The following DGKB variants were observed in gnomAD, a reference collection of about 807,000 sequenced individuals.
The protein encoded by DGKB is diacylglycerol kinase beta, also known as 90 kDa diacylglycerol kinase.
In DGKB, 67 loss-of-function variants were observed where a neutral mutation model predicts 114.3. The ratio of observed to expected loss-of-function variants is 0.59; its 90% CI spans 0.48 to 0.72. DGKB has a LOEUF of 0.72. Ranked by LOEUF, DGKB falls within the 30% of genes least tolerant of loss-of-function variation. The probability of loss-of-function intolerance (pLI) is 0.00; values close to 1 mark genes in which losing one functional copy is unlikely to be tolerated. For synonymous variants in DGKB, 398 were observed against 323.1 expected, an observed-to-expected ratio of 1.23 and a Z score of -2.49; for missense variants, 907 against 975.2, an observed-to-expected ratio of 0.93 and a Z score of 0.93.
In DGKB at chr7:14,147,947, G is replaced by A. The variant is rs138303277; in HGVS notation, c.*1184C>T. The A allele has an allele frequency of 6.6e-6, 1 of 152,258 alleles. No individual in the cohort carries two copies. Among genetic ancestry groups the A allele is most frequent in the African/African-American group, 2.4e-5 (1 of 41,572 alleles). The allele number at this position is 152,258 out of a possible 1,614,324, so 9.4% of individuals were successfully genotyped here. A position where few individuals can be genotyped will look rare whatever the true frequency, so the allele number is the denominator to read the frequency against. ...TAAAGATGGGAGTGGAGTAGGTGAG[G>A]AGGAGGGAGCTAATTGCATGCATGA... On this transcript the variant is annotated 3_prime_UTR_variant, in exon 26 of 26. Transcript: ENST00000402815.
intron 1 of DGKB, among the ~76,000 whole-genome samples, chr7:14,892,352 C>T (rs1050882499): frequency 2.0e-5 from 3 of 151,196 alleles, no homozygotes; most frequent in Admixed American, 6.6e-5. Context: ...GTACTCTAAC[C>T]AATCCTAACG....
chr7:14,525,525 G>A (rs1790503473), intron 20 of DGKB, among the ~76,000 whole-genome samples: 1 of 152,084 alleles, frequency 6.6e-6, no homozygotes, highest in Non-Finnish European at 1.5e-5. Context: ...TGCCCAACAA[G>A]GGATTCTCTC....
At chr7:14,311,667 G>A (rs1805415499) in intron 23 of DGKB, among the ~76,000 whole-genome samples, 1 of 152,042 alleles carries the variant, frequency 6.6e-6, no homozygotes, top group South Asian at 2.1e-4. Flanking sequence ...CTCAAGTGAT[G>A]TGCCCACCTT....
chr7:14,681,459 G>A (rs963452944), intron 12 of DGKB, among the ~76,000 whole-genome samples: 7 of 151,484 alleles, frequency 4.6e-5, no homozygotes, highest in Non-Finnish European at 1.5e-5. Flanking sequence ...GTGTGTGTGA[G>A]AGAGAGAGAA....
At chr7:14,901,580 T>C (rs1481523336) in intron 1 of DGKB, among the ~76,000 whole-genome samples, 1 of 151,726 alleles carries the variant, frequency 6.6e-6, no homozygotes, top group East Asian at 2.0e-4. Flanking sequence ...TTGTGTAATA[T>C]ATGCTTTCTG....
intron 23 of DGKB, among the ~76,000 whole-genome samples, chr7:14,228,498 T>C (rs1262955961): frequency 6.6e-6 from 1 of 151,984 alleles, no homozygotes; most frequent in African/African-American, 2.4e-5. Flanking sequence ...ATGAGTAATC[T>C]GAAAACAATT....
intron 21 of DGKB, among the ~76,000 whole-genome samples, chr7:14,429,929 C>A (rs200969898): frequency 3.3e-5 from 4 of 119,894 alleles, no homozygotes; most frequent in Admixed American, 9.3e-5. Context: ...TCTGTCCCCC[C>A]CCCCAAAAAA....
intron 21 of DGKB, among the ~76,000 whole-genome samples, chr7:14,402,818 G>A (rs1823346147): frequency 6.6e-6 from 1 of 151,930 alleles, no homozygotes; most frequent in Non-Finnish European, 1.5e-5. Context: ...CCCTAACATA[G>A]GCGGGCCTTC....
intron 20 of DGKB, among the ~76,000 whole-genome samples, chr7:14,489,826 T>C (rs1234847209): frequency 1.3e-5 from 2 of 152,058 alleles, no homozygotes; most frequent in East Asian, 3.9e-4. Flanking sequence ...AAATCATGTT[T>C]ACTATCTACA....
At chr7:14,650,062 C>T (rs1462347759) in intron 13 of DGKB, among the ~76,000 whole-genome samples, 1 of 151,876 alleles carries the variant, frequency 6.6e-6, no homozygotes, top group African/African-American at 2.4e-5. Flanking sequence ...CTTTAACACC[C>T]CACTGTCAAC....
chr7:14,246,790 C>T (rs1794542163), intron 23 of DGKB, among the ~76,000 whole-genome samples: 1 of 151,958 alleles, frequency 6.6e-6, no homozygotes, highest in Non-Finnish European at 1.5e-5. Context: ...TATCATCTCA[C>T]ATTGTTACCT....
At chr7:14,484,145 C>T (rs903897798) in intron 20 of DGKB, among the ~76,000 whole-genome samples, 4 of 151,670 alleles carry the variant, frequency 2.6e-5, no homozygotes, top group African/African-American at 9.7e-5. Flanking sequence ...ATTTAACACA[C>T]AGTTTAGAAT....
At chr7:14,464,825 G>C (rs970205588) in intron 21 of DGKB, among the ~76,000 whole-genome samples, 1 of 152,160 alleles carries the variant, frequency 6.6e-6, no homozygotes, top group African/African-American at 2.4e-5. Flanking sequence ...TTTTGGCAGA[G>C]AATGCTTTTT....
intron 21 of DGKB, among the ~76,000 whole-genome samples, chr7:14,369,898 A>T (rs958529986): frequency 6.6e-6 from 1 of 151,536 alleles, no homozygotes; most frequent in African/African-American, 2.4e-5. Context: ...ATCTATCTGA[A>T]AAGAACTATC....
At chr7:14,679,629 G>A (rs975810024) in intron 12 of DGKB, among the ~76,000 whole-genome samples, 1 of 151,976 alleles carries the variant, frequency 6.6e-6, no homozygotes, top group African/African-American at 2.4e-5. Context: ...AGCCAGCACT[G>A]GCAGTGCCAT....
At chr7:14,454,181 T>C (rs1318071913) in intron 21 of DGKB, among the ~76,000 whole-genome samples, 1 of 152,166 alleles carries the variant, frequency 6.6e-6, no homozygotes, top group Non-Finnish European at 1.5e-5. Context: ...TTTTGAAATA[T>C]ACCACACATT....
intron 21 of DGKB, among the ~76,000 whole-genome samples, chr7:14,379,169 A>AAAT: frequency 6.6e-6 from 1 of 152,086 alleles, no homozygotes. Flanking sequence ...TGTTATTTGT[A>AAAT]AATGGAATTC....
intron 23 of DGKB, among the ~76,000 whole-genome samples, chr7:14,189,336 CTTAA>C (rs1783966308): frequency 1.3e-5 from 2 of 152,108 alleles, no homozygotes; most frequent in Admixed American, 1.3e-4. Flanking sequence ...TTGCCATCAT[CTTAA>C]AATAGTCAAT....
At chr7:14,402,831 C>G (rs1365072024) in intron 21 of DGKB, among the ~76,000 whole-genome samples, 1 of 151,854 alleles carries the variant, frequency 6.6e-6, no homozygotes, top group Non-Finnish European at 1.5e-5. Flanking sequence ...GGGCCTTCAT[C>G]TAATCAGGTG....
Sources: gnomAD v4.1 joint callset for allele counts (sites outside exome capture counted in the v4.1 genomes callset) on GRCh38, gnomAD v4.1.1 for gene constraint, MANE v1.5 for transcripts, NCBI Gene and HGNC (gene_info 2026-07-23, HGNC 2026-07-21) for gene names.